PADI2: variants seen among roughly 807,000 people sequenced by gnomAD.
The protein encoded by PADI2 is protein-arginine deiminase type-2.
Under a neutral mutation model 81.1 loss-of-function variants are expected in PADI2, and 70 were observed. That is an observed-to-expected ratio of 0.86 (90% CI 0.71 to 1.05). PADI2 has a LOEUF of 1.05. Ranked by LOEUF, PADI2 falls within the 50% of genes least tolerant of loss-of-function variation. The pLI is 0.00. For missense variants in PADI2, 853 were observed against 889.9 expected (o/e 0.96, Z 0.53); for synonymous variants, 338 against 358.0 (o/e 0.94, Z 0.63).
chr1:17,073,440 C>T (rs901226005), intron 13 of PADI2, among the ~76,000 whole-genome samples: 5 of 141,746 alleles, frequency 3.5e-5, no homozygotes, highest in South Asian at 2.2e-4. Context: ...AAAAGTATAA[C>T]GGATATAGAG....
chr1:17,098,419 C>T (rs749101808), intron 3 of PADI2, among the ~76,000 whole-genome samples: 3 of 152,158 alleles, frequency 2.0e-5, no homozygotes, highest in South Asian at 4.1e-4. Flanking sequence ...TGCTTCATTT[C>T]ATTATGAATT....
At chr1:17,080,499 G>A (rs2078336509) in intron 10 of PADI2, among the ~76,000 whole-genome samples, 1 of 152,202 alleles carries the variant, frequency 6.6e-6, no homozygotes. Context: ...CAATCAACAT[G>A]GAATGCCAGC....
chr1:17,092,589 C>G, intron 5 of PADI2, 56 bp from the exon 6 acceptor site: 1 of 1,464,614 alleles, frequency 6.8e-7, no homozygotes, highest in Admixed American at 2.2e-5. Flanking sequence ...GCCTCAGCTT[C>G]CCAATGCCTT....
At chr1:17,117,864 G>A (rs1386579534) in intron 1 of PADI2, among the ~76,000 whole-genome samples, 1 of 152,190 alleles carries the variant, frequency 6.6e-6, no homozygotes, top group Non-Finnish European at 1.5e-5. Context: ...GGGGAAGGCA[G>A]GGGAGCTCTT....
chr1:17,074,796 C>T lies in PADI2; in HGVS notation c.1549+60G>A, dbSNP rs867070855. ...AAAGTGCTTATCTGCCCCACCCTCCCGAGGGTCTCTCTGGGGCCTCCAGCT... is the reference window on the plus strand; with the variant it reads ...AAAGTGCTTATCTGCCCCACCCTCCTGAGGGTCTCTCTGGGGCCTCCAGCT... On this transcript the variant is annotated intron_variant, in intron 13 of 15. Transcript: ENST00000375486. The T allele has an allele frequency of 1.9e-5, 20 of 1,062,364 alleles. No homozygotes were observed. In the Admixed American group the frequency reaches 2.9e-4, roughly 15 times the overall value. The allele number at this position is 1,062,364 out of a possible 1,614,324, so 65.8% of individuals were successfully genotyped here. A position where few individuals can be genotyped will look rare whatever the true frequency, so the allele number is the denominator to read the frequency against.
chr1:17,084,536 C>T, intron 8 of PADI2, 63 bp downstream of exon 8: 1 of 949,654 alleles, frequency 1.1e-6, no homozygotes, highest in Non-Finnish European at 1.6e-6. Flanking sequence ...AGACTCATGT[C>T]CATCTGACTC....
chr1:17,097,840 C>T (rs1339851030), intron 3 of PADI2, among the ~76,000 whole-genome samples: 1 of 152,110 alleles, frequency 6.6e-6, no homozygotes, highest in East Asian at 1.9e-4. Context: ...CAGCCGGTCA[C>T]GTCCACTGAA....
intron 6 of PADI2, among the ~76,000 whole-genome samples, chr1:17,087,375 T>C (rs1183151495): frequency 2.0e-5 from 3 of 152,308 alleles, no homozygotes; most frequent in African/African-American, 4.8e-5. Flanking sequence ...CAGGCCTTGG[T>C]TTGTGTCACT....
intron 14 of PADI2, among the ~76,000 whole-genome samples, chr1:17,070,670 T>C (rs2078259086): frequency 6.6e-6 from 1 of 151,090 alleles, no homozygotes. Flanking sequence ...TCCCTTTTAA[T>C]TTTTTTTTTA....
rs35674150 is a variant in PADI2, at chr1:17,081,793, AAAACAAAC to A, written c.1158+744_1158+751del. 4.1e-3 allele frequency among the ~76,000 whole-genome samples: 618 copies of A among 152,102 alleles called. 4 individuals are homozygous for A. The highest frequency in any genetic ancestry group is 0.014 in the African/African-American group (584 of 41,442). ...AGAATGGGAGGAGTCAGATGACTTAAAAACAAACAAACAAACAAACAAAGAAACAAAAA... is the reference window on the plus strand; with the variant it reads ...AGAATGGGAGGAGTCAGATGACTTAAAAACAAACAAACAAAGAAACAAAAA... On this transcript the variant is annotated intron_variant, in intron 10 of 15. Coordinates refer to ENST00000375486, the MANE Select transcript of PADI2 (RefSeq NM_007365.3).
In PADI2 at chr1:17,068,128, C is replaced by T. The variant is rs10157387; in HGVS notation, c.*916G>A. 0.86 allele frequency: 131,338 copies of T among 152,434 alleles called. 57,034 individuals carry two copies. The highest frequency in any genetic ancestry group is 0.98 in the East Asian group (5,099 of 5,180). The allele number at this position is 152,434 out of a possible 1,614,324, so 9.4% of individuals were successfully genotyped here. ...GGGAAGGCCTGAATCTGGCTGCTGG[C>T]GAACAAGTTCTTGTCTAGCTGCCTG... On this transcript the variant is annotated 3_prime_UTR_variant, in exon 16 of 16. Transcript: ENST00000375486.
At chr1:17,108,138 G>T (rs1318720028) in intron 1 of PADI2, among the ~76,000 whole-genome samples, 1 of 151,920 alleles carries the variant, frequency 6.6e-6, no homozygotes, top group African/African-American at 2.4e-5. Context: ...TAGTAGAGTT[G>T]GGGTTTCACC....
chr1:17,119,426 A>T lies in PADI2; in HGVS notation c.-55T>A. ...GTCCGGGGCGGCCGGGAGCACCTGC[A>T]GCAGGTGCGCCTTCTCCAGCAGCCT... On this transcript the variant is annotated 5_prime_UTR_variant, in exon 1 of 16. Coordinates refer to ENST00000375486, the MANE Select transcript of PADI2 (RefSeq NM_007365.3). This position sits in a 1 kb window ranked among gnomAD's most constrained non-coding sequence, Gnocchi z 4.8. The T allele has an allele frequency of 7.5e-7, 1 of 1,338,988 alleles. No homozygotes were observed. Among genetic ancestry groups the T allele is most frequent in the Non-Finnish European group, 1.0e-6 (1 of 981,192 alleles). The allele number at this position is 1,338,988 out of a possible 1,614,324, so 82.9% of individuals were successfully genotyped here.
At position 17,105,606 on chromosome 1, in the gene PADI2, T is replaced by C. The variant is rs139924103; in HGVS notation, c.93-545A>G. 1.5e-3 allele frequency among the ~76,000 whole-genome samples: 227 copies of C among 152,024 alleles called. 1 individual carries two copies. The highest frequency in any genetic ancestry group is 5.3e-3 in the African/African-American group (222 of 41,516). On this transcript the variant is annotated intron_variant, in intron 1 of 15. Transcript: ENST00000375486. ...ATGGGGTTTCTCCATGTTGGTCAGG[T>C]TGGTTTTGAACTCCCGACCTCAGGT... is the stretch of plus-strand genomic sequence containing the variant.
At chr1:17,097,072 G>T (rs1930963215) in intron 3 of PADI2, among the ~76,000 whole-genome samples, 1 of 151,892 alleles carries the variant, frequency 6.6e-6, no homozygotes, top group African/African-American at 2.4e-5. Flanking sequence ...GAGTAGGGAT[G>T]TGGTTGGGAA....
intron 1 of PADI2, among the ~76,000 whole-genome samples, chr1:17,114,359 C>A (rs2143810): frequency 0.37 from 55,514 of 152,022 alleles, 12,285 homozygotes; most frequent in Non-Finnish European, 0.5. Flanking sequence ...GGAGGAGGCA[C>A]GCCTGAAACA....
chr1:17,118,986 G>A (rs1402098234), intron 1 of PADI2, among the ~76,000 whole-genome samples: 2 of 152,162 alleles, frequency 1.3e-5, no homozygotes, highest in Admixed American at 6.5e-5. Flanking sequence ...CCCCCGGGAG[G>A]AGAACTGGAG....
chr1:17,114,104 T>A (rs992824728), intron 1 of PADI2, among the ~76,000 whole-genome samples: 2 of 152,258 alleles, frequency 1.3e-5, no homozygotes, highest in African/African-American at 2.4e-5. Flanking sequence ...CCACCTGACC[T>A]GGCCTGAATT....
intron 12 of PADI2, 54 bp downstream of exon 12, chr1:17,075,625 A>C: frequency 2.0e-6 from 3 of 1,490,158 alleles, no homozygotes; most frequent in Non-Finnish European, 2.7e-6. Flanking sequence ...AGGGGCGGGT[A>C]ATATATTGGT....
Sources: allele counts gnomAD v4.1 joint callset (sites outside exome capture counted in the v4.1 genomes callset), GRCh38; gene constraint gnomAD v4.1.1; non-coding constraint Gnocchi (gnomAD v3.1); transcripts MANE v1.5; gene names NCBI Gene and HGNC (gene_info 2026-07-23, HGNC 2026-07-21).